TMEM9: variants seen among roughly 807,000 people sequenced by gnomAD.
The protein encoded by TMEM9 is transmembrane protein 9, also known as proton-transporting V-type ATPase complex assembly regulator TMEM9.
Under a neutral mutation model 22.8 loss-of-function variants are expected in TMEM9, and 13 were observed. The observed-to-expected ratio is 0.57, with a 90% CI of 0.37 to 0.91. The LOEUF (loss-of-function observed/expected upper bound fraction) is 0.91, where lower values mean the gene tolerates loss of function less well. Among genes scored for constraint, TMEM9 ranks in the 40% least tolerant of loss-of-function variants. The pLI, the probability that TMEM9 is intolerant of heterozygous loss-of-function variation, is 0.01. For missense variants in TMEM9, 182 were observed against 238.1 expected (o/e 0.76, Z 1.55); for synonymous variants, 88 against 93.0 (o/e 0.95, Z 0.31).
upstream of TMEM9, among the ~76,000 whole-genome samples, chr1:201,156,113 C>T (rs1450712600): frequency 6.6e-6 from 1 of 152,120 alleles, no homozygotes; most frequent in African/African-American, 2.4e-5. Context: ...AATGGATGAC[C>T]CTCTGACACA....
intron 1 of TMEM9, among the ~76,000 whole-genome samples, chr1:201,170,383 A>G (rs760984585): frequency 6.6e-6 from 1 of 152,228 alleles, no homozygotes; most frequent in Non-Finnish European, 1.5e-5. Context: ...TCCATTTATG[A>G]CAGCACATCA....
Position 201,139,578 on chromosome 1 carries a change from C to G in TMEM9, c.400-3763G>C, listed in dbSNP as rs147698460. On this transcript the variant is annotated intron_variant, in intron 4 of 4. Transcript: ENST00000367330. ...AGGGCACTCCCAGCCTCACCTCCCC[C>G]CTTACCCCCCAGCCCAGCCTCTGGC... Among the ~76,000 whole-genome samples the G allele has an allele frequency of 2.3e-3, 351 of 152,300 alleles. 1 individual carries two copies. Among genetic ancestry groups the G allele is most frequent in the African/African-American group, 7.7e-3 (321 of 41,560 alleles).
chr1:201,142,282 T>C (rs10753892), intron 4 of TMEM9, among the ~76,000 whole-genome samples: 110,696 of 152,128 alleles, frequency 0.73, 40,474 homozygotes, highest in Non-Finnish European at 0.77. Context: ...CCCTCCCTGA[T>C]CTGCCCTTCT....
intron 1 of TMEM9, among the ~76,000 whole-genome samples, chr1:201,161,195 A>G (rs1191129861): frequency 2.0e-5 from 3 of 152,084 alleles, no homozygotes; most frequent in Non-Finnish European, 2.9e-5. Context: ...AAACAGGTGC[A>G]TTTTCACATC....
At chr1:201,160,192 G>A (rs1450407157) in intron 1 of TMEM9, among the ~76,000 whole-genome samples, 1 of 152,264 alleles carries the variant, frequency 6.6e-6, no homozygotes, top group Non-Finnish European at 1.5e-5. Flanking sequence ...ACTTACTCCT[G>A]TCAAAGCACT....
chr1:201,139,663 C>T (rs571279518), intron 4 of TMEM9, among the ~76,000 whole-genome samples: 11 of 152,328 alleles, frequency 7.2e-5, no homozygotes, highest in South Asian at 2.1e-4. Flanking sequence ...CCCTTGTGCA[C>T]GCTGCCCCTC....
chr1:201,135,518 A>C lies in TMEM9; in HGVS notation c.*145T>G. The C allele has an allele frequency of 1.3e-6, 1 of 790,712 alleles. No individual in the cohort carries two copies. 49.0% of individuals were successfully genotyped at this position (790,712 alleles called of 1,614,324 possible). A position where few individuals can be genotyped will look rare whatever the true frequency, so the allele number is the denominator to read the frequency against. On this transcript the variant is annotated 3_prime_UTR_variant, in exon 5 of 5. Coordinates refer to ENST00000367330, the MANE Select transcript of TMEM9 (RefSeq NM_001288565.2). ...CAAAATAGCCAAGTACAACATTTCT[A>C]AAGTTAGGGAGAAGGAGGAAAAATG...
At chr1:201,157,838 C>T (rs926516690), upstream of TMEM9, among the ~76,000 whole-genome samples, 1 of 152,182 alleles carries the variant, frequency 6.6e-6, no homozygotes, top group Non-Finnish European at 1.5e-5. Flanking sequence ...GCTTTGAGGG[C>T]AGTGAGGGCT....
At chr1:201,152,401 T>C (rs1001217589) in intron 1 of TMEM9, among the ~76,000 whole-genome samples, 3 of 152,246 alleles carry the variant, frequency 2.0e-5, no homozygotes, top group African/African-American at 2.4e-5. Context: ...GATATCACCA[T>C]AAATGTCTTT....
At chr1:201,146,189 T>C (rs1437393352) in intron 3 of TMEM9, among the ~76,000 whole-genome samples, 1 of 152,202 alleles carries the variant, frequency 6.6e-6, no homozygotes, top group African/African-American at 2.4e-5. Flanking sequence ...ACTGTGTCTA[T>C]CATCTCTTTC....
chr1:201,136,600 T>C (rs1451234930), intron 4 of TMEM9, among the ~76,000 whole-genome samples: 4 of 152,152 alleles, frequency 2.6e-5, no homozygotes, highest in Non-Finnish European at 5.9e-5. Flanking sequence ...GCTTCCTCCC[T>C]ATCTGACTCT....
chr1:201,160,109 G>C (rs912068196), intron 1 of TMEM9, among the ~76,000 whole-genome samples: 1 of 152,238 alleles, frequency 6.6e-6, no homozygotes, highest in Non-Finnish European at 1.5e-5. Context: ...GCTCGCAGTA[G>C]TGAGTAGGAG....
At chr1:201,164,839 G>A (rs769158322) in intron 1 of TMEM9, among the ~76,000 whole-genome samples, 4 of 151,832 alleles carry the variant, frequency 2.6e-5, no homozygotes, top group Admixed American at 6.6e-5. Flanking sequence ...TTATCATAGC[G>A]TCCATGTGGC....
Position 201,135,007 on chromosome 1 carries a change from A to G in TMEM9, c.*656T>C, listed in dbSNP as rs1343692905. 6.5e-6 allele frequency: 1 copy of G among 152,776 alleles called. No homozygotes were observed. Among genetic ancestry groups the G allele is most frequent in the African/African-American group, 2.4e-5 (1 of 41,462 alleles). 9.5% of individuals were successfully genotyped at this position (152,776 alleles called of 1,614,324 possible). A position where few individuals can be genotyped will look rare whatever the true frequency, so the allele number is the denominator to read the frequency against. ...AGAGGAGGGACTGCCCAGACCCCTC[A>G]AGTGCAGGTGAGGGGACCGGCAGCA... is the stretch of plus-strand genomic sequence containing the variant. On this transcript the variant is annotated 3_prime_UTR_variant, in exon 5 of 5. Coordinates refer to ENST00000367330, the MANE Select transcript of TMEM9 (RefSeq NM_001288565.2).
At chr1:201,169,985 G>C (rs1030016629) in intron 1 of TMEM9, among the ~76,000 whole-genome samples, 1 of 151,824 alleles carries the variant, frequency 6.6e-6, no homozygotes, top group Non-Finnish European at 1.5e-5. Context: ...CTGCAGTTAA[G>C]GTGCTTTGGT....
intron 2 of TMEM9, among the ~76,000 whole-genome samples, chr1:201,147,594 G>T (rs6664483): frequency 0.94 from 143,566 of 152,280 alleles, 67,720 homozygotes; most frequent in South Asian, 0.96. Context: ...CTCCTGCCTC[G>T]AGTTTGGCCT....
intron 1 of TMEM9, among the ~76,000 whole-genome samples, chr1:201,160,519 G>C (rs999051787): frequency 6.6e-6 from 1 of 152,082 alleles, no homozygotes; most frequent in African/African-American, 2.4e-5. Context: ...AACCCAGGAG[G>C]CAGAGGTTGT....
intron 4 of TMEM9, among the ~76,000 whole-genome samples, chr1:201,139,366 T>C (rs969866512): frequency 6.6e-6 from 1 of 152,208 alleles, no homozygotes; most frequent in African/African-American, 2.4e-5. Context: ...TTTTCCATGT[T>C]TGACCCAAGT....
chr1:201,163,327 C>T (rs1199631687), intron 1 of TMEM9, among the ~76,000 whole-genome samples: 1 of 151,294 alleles, frequency 6.6e-6, no homozygotes, highest in Non-Finnish European at 1.5e-5. Flanking sequence ...CGGTGGCTCA[C>T]ACCTATAATC....
Sources: allele counts gnomAD v4.1 joint callset (sites outside exome capture counted in the v4.1 genomes callset), GRCh38; gene constraint gnomAD v4.1.1; transcripts MANE v1.5; gene names NCBI Gene and HGNC (gene_info 2026-07-23, HGNC 2026-07-21).